Variants in ADGRB3 observed in about 807,000 individuals in gnomAD.
The protein encoded by ADGRB3 is brain-specific angiogenesis inhibitor 3.
A neutral mutation model predicts 193.4 loss-of-function variants in ADGRB3; 37 were observed. That is an observed-to-expected ratio of 0.19 (90% CI 0.15 to 0.25). The LOEUF (loss-of-function observed/expected upper bound fraction) is 0.25. Among genes scored for constraint, ADGRB3 ranks in the 10% least tolerant of loss-of-function variants. The probability of loss-of-function intolerance (pLI) is 1.00; values close to 1 mark genes in which losing one functional copy is unlikely to be tolerated. For missense variants in ADGRB3, 1,637 were observed against 1,852.9 expected, an observed-to-expected ratio of 0.88 and a Z score of 2.14; for synonymous variants, 690 against 644.2, an observed-to-expected ratio of 1.07 and a Z score of -1.08.
At chr6:68,881,987 A>T (rs1176909772) in intron 3 of ADGRB3, among the ~76,000 whole-genome samples, 1 of 152,172 alleles carries the variant, frequency 6.6e-6, no homozygotes, top group Non-Finnish European at 1.5e-5. Context: ...CTAATTGCTT[A>T]TGTGGAATCT....
intron 3 of ADGRB3, among the ~76,000 whole-genome samples, chr6:68,741,612 T>G (rs942050439): frequency 1.3e-5 from 2 of 152,146 alleles, no homozygotes; most frequent in African/African-American, 4.8e-5. Context: ...GGTCTTAAAC[T>G]CCTGAGCTCA....
intron 10 of ADGRB3, among the ~76,000 whole-genome samples, chr6:68,980,155 T>C (rs1223853631): frequency 2.6e-5 from 4 of 151,592 alleles, no homozygotes; most frequent in African/African-American, 9.7e-5. Flanking sequence ...TTTTAGGTTA[T>C]TGTTCCTTAA....
chr6:68,875,599 A>G (rs1165750985), intron 3 of ADGRB3, among the ~76,000 whole-genome samples: 3 of 152,084 alleles, frequency 2.0e-5, no homozygotes, highest in Non-Finnish European at 4.4e-5. Flanking sequence ...ATGCTGACAC[A>G]GTATTACTAG....
At chr6:68,850,343 C>T (rs492823) in intron 3 of ADGRB3, among the ~76,000 whole-genome samples, 72,110 of 151,688 alleles carry the variant, frequency 0.48, 17,813 homozygotes, top group East Asian at 0.6. Flanking sequence ...TAGCCTTTAT[C>T]TCTGAATAAC....
At chr6:69,098,628 G>C (rs1163790256) in intron 17 of ADGRB3, among the ~76,000 whole-genome samples, 1 of 152,036 alleles carries the variant, frequency 6.6e-6, no homozygotes, top group Non-Finnish European at 1.5e-5. Flanking sequence ...GAACTGCAAG[G>C]GAGAAATAAC....
At chr6:69,147,483 T>C (rs1434018434) in intron 17 of ADGRB3, among the ~76,000 whole-genome samples, 1 of 152,248 alleles carries the variant, frequency 6.6e-6, no homozygotes, top group African/African-American at 2.4e-5. Context: ...ATTTCTAGTT[T>C]AATTCCATTG....
chr6:69,297,216 C>G (rs1370354465), intron 20 of ADGRB3, among the ~76,000 whole-genome samples: 1 of 152,012 alleles, frequency 6.6e-6, no homozygotes. Flanking sequence ...TATGTGACAT[C>G]AATAGAGCCA....
At chr6:68,799,435 GTTA>G (rs1191647872) in intron 3 of ADGRB3, among the ~76,000 whole-genome samples, 1 of 152,120 alleles carries the variant, frequency 6.6e-6, no homozygotes, top group Non-Finnish European at 1.5e-5. Context: ...CATCAAAAAT[GTTA>G]TTATTTACTA....
chr6:69,368,832 A>C (rs568846599), intron 29 of ADGRB3, among the ~76,000 whole-genome samples: 25 of 152,216 alleles, frequency 1.6e-4, no homozygotes, highest in Non-Finnish European at 3.4e-4. Flanking sequence ...CTCATCAGAG[A>C]CTGTCAGCAA....
chr6:69,029,976 G>GCA (rs10653397), intron 13 of ADGRB3, among the ~76,000 whole-genome samples: 7,413 of 145,164 alleles, frequency 0.051, 247 homozygotes, highest in South Asian at 0.1. Flanking sequence ...TATATAGAAT[G>GCA]CACACACACA....
chr6:69,305,400 A>G (rs1768046853), intron 20 of ADGRB3, among the ~76,000 whole-genome samples: 1 of 151,516 alleles, frequency 6.6e-6, no homozygotes, highest in Non-Finnish European at 1.5e-5. Context: ...TGATTTATAC[A>G]GTGTGGATTA....
intron 3 of ADGRB3, among the ~76,000 whole-genome samples, chr6:68,666,751 A>G (rs1459523017): frequency 6.6e-6 from 1 of 151,792 alleles, no homozygotes; most frequent in East Asian, 1.9e-4. Flanking sequence ...TAATGTCATA[A>G]CTAGAACTTA....
At chr6:69,091,083 C>T (rs528679371) in intron 17 of ADGRB3, among the ~76,000 whole-genome samples, 15 of 152,202 alleles carry the variant, frequency 9.9e-5, no homozygotes, top group Middle Eastern at 3.4e-3. Context: ...ATCAAAACCA[C>T]GTGAGACACC....
intron 11 of ADGRB3, 94 bp downstream of exon 11, chr6:68,994,056 G>A: frequency 4.8e-6 from 6 of 1,244,700 alleles, no homozygotes; most frequent in Non-Finnish European, 6.7e-6. Context: ...GAGGCGGACT[G>A]GAGGAAGATA....
intron 16 of ADGRB3, among the ~76,000 whole-genome samples, chr6:69,067,651 A>G (rs1331331141): frequency 6.6e-6 from 1 of 152,072 alleles, no homozygotes; most frequent in East Asian, 1.9e-4. Flanking sequence ...TTTCTGCCCT[A>G]GCTTTATCCA....
Position 68,803,754 on chromosome 6 carries a change from C to T in ADGRB3, c.758-126805C>T, listed in dbSNP as rs185507878. 4.8e-3 allele frequency among the ~76,000 whole-genome samples: 724 copies of T among 152,250 alleles called. 4 individuals carry two copies. Among genetic ancestry groups the T allele is most frequent in the African/African-American group, 0.016 (685 of 41,562 alleles). ...TATTATCTAAACAAATCTGTGGGTT[C>T]GTCAGTTGATGCACATGCCCTTGCT... is the stretch of plus-strand genomic sequence containing the variant. On this transcript the variant is annotated intron_variant, in intron 3 of 31. Transcript: ENST00000370598.
chr6:68,990,823 G>A (rs545440898), intron 10 of ADGRB3, among the ~76,000 whole-genome samples: 6 of 152,206 alleles, frequency 3.9e-5, no homozygotes, highest in African/African-American at 9.6e-5. Context: ...ATTATTTACC[G>A]TGGCAACCAT....
chr6:68,649,753 T>C (rs1309749389), intron 3 of ADGRB3, among the ~76,000 whole-genome samples: 3 of 152,176 alleles, frequency 2.0e-5, no homozygotes, highest in East Asian at 3.9e-4. Context: ...AGAAATAGCA[T>C]TGAAGGTGAG....
At chr6:69,280,121 T>C (rs186537255) in intron 20 of ADGRB3, among the ~76,000 whole-genome samples, 29 of 152,228 alleles carry the variant, frequency 1.9e-4, no homozygotes, top group African/African-American at 7.0e-4. Flanking sequence ...TGCAAAAATA[T>C]ATGTTTCTGG....
Sources: gnomAD v4.1 joint callset for allele counts (sites outside exome capture counted in the v4.1 genomes callset) on GRCh38, gnomAD v4.1.1 for gene constraint, MANE v1.5 for transcripts, NCBI Gene and HGNC (gene_info 2026-07-23, HGNC 2026-07-21) for gene names.